The following ADAMTS17 variants were observed in gnomAD, a reference collection of about 807,000 sequenced individuals.
The protein encoded by ADAMTS17 is ADAM metallopeptidase with thrombospondin type 1 motif 17.
Under a neutral mutation model 141.5 loss-of-function variants are expected in ADAMTS17, and 113 were observed. The ratio of observed to expected loss-of-function variants is 0.80; its 90% CI spans 0.69 to 0.93. The LOEUF is 0.93. ADAMTS17 is among the 40% of genes least tolerant of loss of function. The probability of loss-of-function intolerance (pLI) is 0.00; values close to 1 mark genes in which losing one functional copy is unlikely to be tolerated. For missense variants in ADAMTS17, 1,659 were observed against 1,517.9 expected, an observed-to-expected ratio of 1.09 and a Z score of -1.54; for synonymous variants, 768 against 630.6, an observed-to-expected ratio of 1.22 and a Z score of -3.27.
chr15:100,095,322 T>C (rs1352659946), intron 15 of ADAMTS17, among the ~76,000 whole-genome samples: 3 of 152,218 alleles, frequency 2.0e-5, no homozygotes, highest in African/African-American at 7.2e-5. Flanking sequence ...CACAGGGTCC[T>C]GCAAAATGTT....
At chr15:100,233,067 G>A (rs1254353828) in intron 7 of ADAMTS17, among the ~76,000 whole-genome samples, 1 of 152,156 alleles carries the variant, frequency 6.6e-6, no homozygotes, top group African/African-American at 2.4e-5. Context: ...GGTGGCTCAC[G>A]CCTATAATCC....
chr15:99,992,970 C>G, intron 20 of ADAMTS17, 78 bp downstream of exon 20: 1 of 1,580,196 alleles, frequency 6.3e-7, no homozygotes, highest in Non-Finnish European at 8.7e-7. Context: ...AATTGGGACC[C>G]GTCACAAGAG....
chr15:100,169,080 A>G (rs190143079), intron 8 of ADAMTS17, among the ~76,000 whole-genome samples: 3 of 152,284 alleles, frequency 2.0e-5, no homozygotes, highest in African/African-American at 7.2e-5. Flanking sequence ...ATTCCCTTAG[A>G]GGTGGGGATT....
At position 100,245,803 on chromosome 15, in the gene ADAMTS17, G is replaced by A. The variant is rs558064134; in HGVS notation, c.1075+8333C>T. On this transcript the variant is annotated intron_variant, in intron 7 of 21. Transcript: ENST00000268070. ...ATTTTGTAGGCATAGATGGAGCCTCGCCAGGCCTTAAGGTATGGGAAGCAC... is the reference window on the plus strand; with the variant it reads ...ATTTTGTAGGCATAGATGGAGCCTCACCAGGCCTTAAGGTATGGGAAGCAC... 6.6e-5 allele frequency among the ~76,000 whole-genome samples: 10 copies of A among 152,264 alleles called. No homozygotes were observed. The South Asian group carries it at 1.2e-3, about 19-fold the overall frequency.
chr15:100,119,839 C>T (rs2037363188), intron 12 of ADAMTS17, among the ~76,000 whole-genome samples: 1 of 152,214 alleles, frequency 6.6e-6, no homozygotes, highest in East Asian at 1.9e-4. Flanking sequence ...TTCCCACCTC[C>T]TAACCCTCTG....
chr15:100,096,544 C>G (rs868233015), intron 14 of ADAMTS17, 68 bp from the exon 15 acceptor site: 2 of 1,609,316 alleles, frequency 1.2e-6, no homozygotes, highest in Non-Finnish European at 1.7e-6. Context: ...GGCTGCCCTG[C>G]AAGGCTAACT....
chr15:100,027,866 C>T (rs2061546717), intron 18 of ADAMTS17, among the ~76,000 whole-genome samples: 1 of 152,206 alleles, frequency 6.6e-6, no homozygotes, highest in Non-Finnish European at 1.5e-5. Context: ...GTCTGAGTCT[C>T]ATGAGTCAGA....
intron 15 of ADAMTS17, among the ~76,000 whole-genome samples, chr15:100,084,082 C>A (rs897617933): frequency 4.6e-5 from 7 of 152,094 alleles, no homozygotes; most frequent in Non-Finnish European, 7.3e-5. Context: ...TCAGGGAATT[C>A]CCCTTCCTAG....
chr15:100,136,235 A>G (rs778454869), intron 10 of ADAMTS17, among the ~76,000 whole-genome samples: 1 of 151,986 alleles, frequency 6.6e-6, no homozygotes, highest in East Asian at 1.9e-4. Context: ...ATACTGTATG[A>G]TTTCATTTAC....
At chr15:100,051,325 C>T (rs1022785377) in intron 17 of ADAMTS17, among the ~76,000 whole-genome samples, 1 of 152,226 alleles carries the variant, frequency 6.6e-6, no homozygotes, top group East Asian at 1.9e-4. Context: ...AACCCCGCTT[C>T]ACCCATAGGT....
In ADAMTS17 at chr15:100,133,235, G is replaced by A. The variant is rs775113301; in HGVS notation, c.1554C>T (p.Gly518=). Residue 518 remains glycine (G), a synonymous_variant, in exon 11 of 22, where the codon GGC becomes GGT. Coordinates refer to ENST00000268070, the MANE Select transcript of ADAMTS17 (RefSeq NM_139057.4). ...TTACCTTGTCTGCCCCACACTCGGT[G>A]CCATCCAGGGGAGGGTCCAGCTTGG... ...CKTKLDPPLD[G]TECGADKWCR... 6.3e-7 allele frequency: 1 copy of A among 1,596,174 alleles called. No homozygotes were observed. The highest frequency in any genetic ancestry group is 8.5e-7 in the Non-Finnish European group (1 of 1,170,096).
At chr15:100,209,691 G>A (rs148013167) in intron 7 of ADAMTS17, among the ~76,000 whole-genome samples, 1 of 152,232 alleles carries the variant, frequency 6.6e-6, no homozygotes, top group African/African-American at 2.4e-5. Flanking sequence ...GAGGAAACAG[G>A]TGACTCGTGG....
chr15:100,270,345 T>C (rs1204737423), intron 4 of ADAMTS17, among the ~76,000 whole-genome samples: 1 of 150,250 alleles, frequency 6.7e-6, no homozygotes, highest in Non-Finnish European at 1.5e-5. Flanking sequence ...CTAGAGGAGA[T>C]GGCCCATAGT....
intron 18 of ADAMTS17, among the ~76,000 whole-genome samples, chr15:100,012,106 C>T (rs573442951): frequency 4.6e-5 from 7 of 152,286 alleles, no homozygotes; most frequent in Middle Eastern, 3.4e-3. Context: ...AATGGGGTAT[C>T]GCATTGTGGT....
chr15:100,051,823 T>C, intron 16 of ADAMTS17, 92 bp from the exon 17 acceptor site: 1 of 1,526,342 alleles, frequency 6.6e-7, no homozygotes, highest in Non-Finnish European at 9.1e-7. Context: ...CTGCGGCTGT[T>C]TCTTTATGAG....
rs116935883 is a variant in ADAMTS17, at chr15:100,138,221, A to T, written c.1474-4906T>A. Among the ~76,000 whole-genome samples the T allele has an allele frequency of 3.6e-3, 554 of 152,330 alleles. 7 individuals carry two copies. The highest frequency in any genetic ancestry group is 0.016 in the Admixed American group (241 of 15,306). The stretch of plus-strand genomic sequence containing the variant: ...GGTTGAAACAAATTTAAGTTCTCCT[A>T]AAGAGAGCAATTTAGGATCTTAGAA... On this transcript the variant is annotated intron_variant, in intron 10 of 21. Transcript: ENST00000268070.
chr15:100,053,224 C>T (rs901435813), intron 16 of ADAMTS17, among the ~76,000 whole-genome samples: 5 of 152,148 alleles, frequency 3.3e-5, no homozygotes, highest in South Asian at 2.1e-4. Context: ...GGAAGCAGGG[C>T]GCTCCATTCC....
At chr15:100,109,916 G>A (rs1367829185) in intron 13 of ADAMTS17, among the ~76,000 whole-genome samples, 2 of 152,084 alleles carry the variant, frequency 1.3e-5, no homozygotes, top group Non-Finnish European at 1.5e-5. Flanking sequence ...ATCTCCACAT[G>A]CACTGTGCAC....
chr15:100,114,826 G>C (rs549575297), intron 13 of ADAMTS17, among the ~76,000 whole-genome samples: 9 of 152,338 alleles, frequency 5.9e-5, no homozygotes, highest in South Asian at 2.1e-4. Context: ...CCACTGTGGT[G>C]ATAAGGCAAC....
Sources: allele counts gnomAD v4.1 joint callset (sites outside exome capture counted in the v4.1 genomes callset), GRCh38; gene constraint gnomAD v4.1.1; transcripts MANE v1.5; gene names NCBI Gene and HGNC (gene_info 2026-07-23, HGNC 2026-07-21).